Variants in ZNF169 observed in about 807,000 individuals in gnomAD.
ZNF169 encodes zinc finger protein 169.
In ZNF169, 11 loss-of-function variants were observed where a neutral mutation model predicts 12.0. The observed-to-expected ratio is 0.92, with a 90% CI of 0.58 to 1.52. The LOEUF is 1.52. ZNF169 is among the 40% of genes most tolerant of loss of function. ZNF169 has a pLI of 0.00. For synonymous variants in ZNF169, 302 were observed against 286.5 expected (o/e 1.05, Z -0.55); for missense variants, 722 against 744.0 (o/e 0.97, Z 0.34).
At chr9:94,297,078 C>T (rs1192073762) in intron 4 of ZNF169, among the ~76,000 whole-genome samples, 1 of 151,152 alleles carries the variant, frequency 6.6e-6, no homozygotes, top group Non-Finnish European at 1.5e-5. Context: ...AAAAATCCTC[C>T]ATCTTTGCTT....
intron 1 of ZNF169, among the ~76,000 whole-genome samples, chr9:94,260,845 A>G (rs13302379): frequency 0.18 from 18,744 of 103,756 alleles, 2,567 homozygotes; most frequent in Middle Eastern, 0.27. Context: ...TTTTGAGATG[A>G]AGTCTCACTC....
chr9:94,277,918 C>G (rs999519576), intron 1 of ZNF169, among the ~76,000 whole-genome samples: 16 of 145,490 alleles, frequency 1.1e-4, no homozygotes, highest in Non-Finnish European at 2.2e-4. Context: ...GGCCACAGAG[C>G]GAGACTCCGA....
chr9:94,269,002 C>T (rs1474487890), intron 1 of ZNF169, among the ~76,000 whole-genome samples: 1 of 151,796 alleles, frequency 6.6e-6, no homozygotes, highest in East Asian at 1.9e-4. Flanking sequence ...CACACATGCA[C>T]ACATATATAT....
chr9:94,292,640 T>TGTGTGTGTGTGTGTGTGTGC (rs35889937), intron 3 of ZNF169, 173 bp downstream of exon 3: 58 of 741,276 alleles, frequency 7.8e-5, no homozygotes, highest in African/African-American at 6.3e-4. Context: ...TGTGTGTGTG[T>TGTGTGTGTGTGTGTGTGTGC]GCGCGTGCAC....
At chr9:94,270,781 A>G (rs2118561379) in intron 1 of ZNF169, among the ~76,000 whole-genome samples, 1 of 80,592 alleles carries the variant, frequency 1.2e-5, no homozygotes, top group Admixed American at 2.1e-4. Context: ...TATATATTAT[A>G]TAAATATATA....
At chr9:94,259,759 C>T in intron 1 of ZNF169, among the ~76,000 whole-genome samples, 1 of 152,192 alleles carries the variant, frequency 6.6e-6, no homozygotes, top group South Asian at 2.1e-4. Context: ...CCCACCATCG[C>T]GCCTCGGAGG....
At chr9:94,270,775 T>TA (rs1403611869) in intron 1 of ZNF169, among the ~76,000 whole-genome samples, 1 of 85,548 alleles carries the variant, frequency 1.2e-5, no homozygotes, top group South Asian at 2.8e-4. Flanking sequence ...ATATGTTATA[T>TA]ATTATATAAA....
chr9:94,273,810 A>C (rs1830472060), intron 1 of ZNF169, among the ~76,000 whole-genome samples: 1 of 152,006 alleles, frequency 6.6e-6, no homozygotes, highest in Admixed American at 6.6e-5. Context: ...CGATCTCCTG[A>C]CCTTGTGATC....
At chr9:94,298,907 C>A (rs1459756724) in intron 4 of ZNF169, among the ~76,000 whole-genome samples, 3 of 152,064 alleles carry the variant, frequency 2.0e-5, no homozygotes, top group Non-Finnish European at 4.4e-5. Context: ...TTGAAAAAGT[C>A]AATTTGTATA....
At chr9:94,292,271 G>A (rs2118641492) in intron 2 of ZNF169, 70 bp from the exon 3 acceptor site, 4 of 1,612,520 alleles carry the variant, frequency 2.5e-6, no homozygotes, top group South Asian at 1.1e-5. Flanking sequence ...CCTTGACTGT[G>A]GTTAGTGGCT....
chr9:94,280,699 A>G (rs1253411394), intron 2 of ZNF169, among the ~76,000 whole-genome samples: 4 of 152,186 alleles, frequency 2.6e-5, no homozygotes, highest in Admixed American at 1.3e-4. Flanking sequence ...AGGTAGCCTC[A>G]CTGCTGTGTC....
chr9:94,270,872 TA>T lies in ZNF169; in HGVS notation c.-55-7885del, dbSNP rs1430934633. Among the ~76,000 whole-genome samples the T allele has an allele frequency of 1.7e-4, 6 of 35,270 alleles. 1 individual carries two copies. Among genetic ancestry groups the T allele is most frequent in the Non-Finnish European group, 2.0e-4 (4 of 19,886 alleles). The allele number at this position is 35,270 out of a possible 152,430, so 23.1% of individuals were successfully genotyped here. A position where few individuals can be genotyped will look rare whatever the true frequency, so the allele number is the denominator to read the frequency against. ...ATATAAATATATATAATAATATATATATTATATTATATAAATATATATAATA... is the reference window on the plus strand; with the variant it reads ...ATATAAATATATATAATAATATATATTTATATTATATAAATATATATAATA... On this transcript the variant is annotated intron_variant, in intron 1 of 4. Transcript: ENST00000395395.
intron 1 of ZNF169, among the ~76,000 whole-genome samples, chr9:94,274,969 G>A (rs1405804653): frequency 6.6e-6 from 1 of 152,154 alleles, no homozygotes; most frequent in African/African-American, 2.4e-5. Flanking sequence ...TGGGCATGGT[G>A]CTTTATGCCT....
intron 1 of ZNF169, among the ~76,000 whole-genome samples, chr9:94,277,902 C>A (rs1012303580): frequency 3.3e-5 from 5 of 150,338 alleles, no homozygotes; most frequent in East Asian, 2.0e-4. Context: ...ACTGCACTCC[C>A]GCCTGGGCCA....
Position 94,300,566 on chromosome 9 carries a change from C to G in ZNF169, c.1008C>G (p.His336Gln). ...GFRQKIALLL[H>Q]QRTHLEEKPF... is the part of the protein sequence containing the mutation. ...GCCAGAAGATAGCCCTCCTTCTACA[C>G]CAGAGGACGCACTTGGAGGAGAAGC... The change falls in exon 5 of 5, where the codon CAC becomes CAG. Residue 336 changes from histidine to glutamine, a missense_variant. By Grantham distance (24) the His-to-Gln change is conservative. Transcript: ENST00000395395. 1 of 1,614,148 alleles carries G rather than the reference C, an allele frequency of 6.2e-7. No homozygotes were observed. The highest frequency in any genetic ancestry group is 8.5e-7 in the Non-Finnish European group (1 of 1,180,008).
intron 1 of ZNF169, among the ~76,000 whole-genome samples, chr9:94,270,828 AAAATATATAT>A (rs1564083494): frequency 3.4e-4 from 4 of 11,618 alleles, no homozygotes; most frequent in Non-Finnish European, 7.9e-4. Context: ...AAATATATAT[AAAATATATAT>A]ATTATATTAT....
chr9:94,288,353 A>G (rs1257161975), intron 2 of ZNF169: 1 of 1,086,138 alleles, frequency 9.2e-7, no homozygotes. Context: ...GCCAGGCCAT[A>G]TTCAGTCCAT....
In ZNF169 at chr9:94,300,693, T is replaced by C. The variant is rs1201826203; in HGVS notation, c.1135T>C (p.Cys379Arg). ...GGAGAGGCCCTTCCTGTGCCTTGAGTGTGGGCGTAGCTTCAGGCAGCAGTC... is the reference window on the plus strand; with the variant it reads ...GGAGAGGCCCTTCCTGTGCCTTGAGCGTGGGCGTAGCTTCAGGCAGCAGTC... ...TGERPFLCLE[C>R]GRSFRQQSLL... Residue 379 changes from cysteine to arginine, a missense_variant, in exon 5 of 5, where the codon TGT becomes CGT. Cys to Arg is a radical substitution (Grantham distance 180). Coordinates refer to ENST00000395395, the MANE Select transcript of ZNF169 (RefSeq NM_194320.4). 6.2e-7 allele frequency: 1 copy of C among 1,613,614 alleles called. No individual in the cohort carries two copies. The highest frequency in any genetic ancestry group is 1.3e-5 in the African/African-American group (1 of 74,946).
At chr9:94,266,595 A>C (rs901525501) in intron 1 of ZNF169, among the ~76,000 whole-genome samples, 2 of 152,212 alleles carry the variant, frequency 1.3e-5, no homozygotes, top group Non-Finnish European at 2.9e-5. Flanking sequence ...GGCACAGCTT[A>C]GGTTTCAGTG....
Sources: gnomAD v4.1 joint callset for allele counts (sites outside exome capture counted in the v4.1 genomes callset) on GRCh38, gnomAD v4.1.1 for gene constraint, MANE v1.5 for transcripts, NCBI Gene and HGNC (gene_info 2026-07-23, HGNC 2026-07-21) for gene names.